The following PAM variants were observed in gnomAD, a reference collection of about 807,000 sequenced individuals.
PAM encodes the protein peptidylglycine alpha-amidating monooxygenase.
A neutral mutation model predicts 122.1 loss-of-function variants in PAM; 72 were observed. The observed-to-expected ratio is 0.59, with a 90% CI of 0.49 to 0.72. PAM has a LOEUF of 0.72. PAM is among the 30% of genes least tolerant of loss of function. The pLI, the probability that PAM is intolerant of heterozygous loss-of-function variation, is 0.00. For missense variants in PAM, 1,106 were observed against 1,183.7 expected (o/e 0.93, Z 0.96); for synonymous variants, 389 against 404.4 (o/e 0.96, Z 0.46).
chr5:102,940,151 TAC>T (rs1000380962), intron 7 of PAM, among the ~76,000 whole-genome samples: 78 of 134,768 alleles, frequency 5.8e-4, no homozygotes, highest in African/African-American at 2.0e-3. Context: ...CACACACACA[TAC>T]ACACACACAC....
At chr5:102,829,627 G>A (rs889541835) in intron 1 of PAM, among the ~76,000 whole-genome samples, 1 of 152,146 alleles carries the variant, frequency 6.6e-6, no homozygotes, top group Admixed American at 6.5e-5. Context: ...GCTGGCCTCG[G>A]CCTCCCAAAA....
At chr5:102,882,823 T>A (rs1466215460) in intron 3 of PAM, among the ~76,000 whole-genome samples, 2 of 151,930 alleles carry the variant, frequency 1.3e-5, no homozygotes, top group East Asian at 3.9e-4. Context: ...GTTTTTTCAA[T>A]GTTATCTTCT....
At chr5:103,000,675 C>G (rs1463228687) in intron 16 of PAM, among the ~76,000 whole-genome samples, 2 of 152,216 alleles carry the variant, frequency 1.3e-5, no homozygotes, top group Non-Finnish European at 2.9e-5. Flanking sequence ...TACAATCAGG[C>G]AGATTGCTTC....
At position 102,865,968 on chromosome 5, in the gene PAM, A is replaced by G. The variant is rs1785428668; in HGVS notation, c.-228A>G. The G allele has an allele frequency of 1.4e-5, 6 of 440,028 alleles. No individual in the cohort carries two copies. The highest frequency in any genetic ancestry group is 9.1e-5 in the South Asian group (2 of 21,870). 27.3% of individuals were successfully genotyped at this position (440,028 alleles called of 1,614,324 possible). On this transcript the variant is annotated 5_prime_UTR_variant, in exon 2 of 26. Coordinates refer to ENST00000438793, the MANE Select transcript of PAM (RefSeq NM_001177306.2). ...AGGAAAGCTTCCGCCTGCGGGCCGG[A>G]CAAAAGTCCCGCCTGCCCACGGCTT... is the stretch of plus-strand genomic sequence containing the variant.
At chr5:102,792,775 C>G (rs1762368715) in intron 1 of PAM, among the ~76,000 whole-genome samples, 1 of 152,128 alleles carries the variant, frequency 6.6e-6, no homozygotes. Context: ...CAGAATACAG[C>G]TTCAGTTTTT....
intron 1 of PAM, among the ~76,000 whole-genome samples, chr5:102,856,810 C>G (rs1005087596): frequency 6.6e-6 from 1 of 151,930 alleles, no homozygotes; most frequent in Non-Finnish European, 1.5e-5. Context: ...TAATAGGTAC[C>G]CAGCCAATTT....
intron 16 of PAM, among the ~76,000 whole-genome samples, chr5:103,000,949 G>C (rs998518190): frequency 6.6e-6 from 1 of 151,740 alleles, no homozygotes; most frequent in Non-Finnish European, 1.5e-5. Context: ...TACATAAATA[G>C]GAGAACAAAA....
At chr5:102,905,271 A>G (rs991329840) in intron 4 of PAM, among the ~76,000 whole-genome samples, 1 of 151,652 alleles carries the variant, frequency 6.6e-6, no homozygotes, top group Non-Finnish European at 1.5e-5. Context: ...ATCTTCATCC[A>G]CTTGCTTTCC....
chr5:102,934,094 T>G (rs187515210), intron 7 of PAM, among the ~76,000 whole-genome samples: 7 of 152,284 alleles, frequency 4.6e-5, no homozygotes, highest in African/African-American at 1.7e-4. Flanking sequence ...AGCCTATGTA[T>G]TTTAGAGTAT....
chr5:102,998,010 A>C (rs2150931614), intron 16 of PAM, among the ~76,000 whole-genome samples: 1 of 152,350 alleles, frequency 6.6e-6, no homozygotes, highest in East Asian at 1.9e-4. Context: ...CTCTAATCTT[A>C]CATGGCTGTC....
intron 7 of PAM, among the ~76,000 whole-genome samples, chr5:102,942,736 ATT>A (rs754559996): frequency 5.1e-5 from 7 of 138,416 alleles, no homozygotes; most frequent in Non-Finnish European, 4.6e-5. Context: ...TGCCCGGCTA[ATT>A]TTTTTTTTTT....
Position 103,009,808 on chromosome 5 carries a change from G to A in PAM, c.2273G>A (p.Gly758Glu), listed in dbSNP as rs1780089951. The A allele has an allele frequency of 6.2e-7, 1 of 1,612,626 alleles. No individual in the cohort carries two copies. The highest frequency in any genetic ancestry group is 8.5e-7 in the Non-Finnish European group (1 of 1,178,912). ...TTTGGGGACCAAGAACCTGTACAAG[G>A]ATTTGTGATGAACTTTTCCAATGGG... ...PHFGDQEPVQGFVMNFSNGEI... is the reference protein window; with the variant it reads ...PHFGDQEPVQEFVMNFSNGEI... The change falls in exon 21 of 26, where the codon GGA becomes GAA. Residue 758 changes from glycine to glutamate, a missense_variant. Gly to Glu is a moderately conservative substitution (Grantham distance 98). Transcript: ENST00000438793.
chr5:102,789,076 T>C (rs891668162), intron 1 of PAM, among the ~76,000 whole-genome samples: 24 of 152,168 alleles, frequency 1.6e-4, no homozygotes, highest in Admixed American at 7.2e-4. Flanking sequence ...TTGGGAGTTA[T>C]ACCTTACGTC....
intron 3 of PAM, among the ~76,000 whole-genome samples, chr5:102,899,950 G>C (rs540944583): frequency 1.3e-5 from 2 of 151,444 alleles, no homozygotes; most frequent in Admixed American, 1.3e-4. Context: ...CAGTGGTGTC[G>C]ATTAGAACAA....
intron 1 of PAM, among the ~76,000 whole-genome samples, chr5:102,814,775 T>C (rs1434845857): frequency 6.6e-6 from 1 of 152,006 alleles, no homozygotes; most frequent in African/African-American, 2.4e-5. Context: ...AATTGATGTA[T>C]TTACTTGATG....
chr5:102,923,354 A>G (rs1288834451), intron 5 of PAM, among the ~76,000 whole-genome samples: 1 of 152,180 alleles, frequency 6.6e-6, no homozygotes, highest in Non-Finnish European at 1.5e-5. Flanking sequence ...TTAGGAATCT[A>G]TCACAGTCTG....
intron 1 of PAM, among the ~76,000 whole-genome samples, chr5:102,767,393 G>C (rs1280946756): frequency 6.6e-6 from 1 of 152,054 alleles, no homozygotes; most frequent in Non-Finnish European, 1.5e-5. Flanking sequence ...TCTTCATCTG[G>C]CCTCTTATTC....
In PAM at chr5:102,990,361, C is replaced by T. The variant is rs1288303393; in HGVS notation, c.1573C>T (p.Leu525=). The stretch of plus-strand genomic sequence containing the variant: ...GGTGGCTCTAGACCCTAAGAATAAC[C>T]TGGTGATTTTCCACAGAGGTGACCA... ...SGVALDPKNN[L]VIFHRGDHVW... is the part of the protein sequence containing the mutation. The change falls in exon 16 of 26, where the codon CTG becomes TTG. Residue 525 remains leucine (L), a synonymous_variant. Coordinates refer to ENST00000438793, the MANE Select transcript of PAM (RefSeq NM_001177306.2). The T allele has an allele frequency of 6.2e-7, 1 of 1,608,180 alleles. No individual in the cohort carries two copies. The highest frequency in any genetic ancestry group is 8.5e-7 in the Non-Finnish European group (1 of 1,176,068).
At chr5:102,788,500 A>G (rs1266545388) in intron 1 of PAM, among the ~76,000 whole-genome samples, 1 of 152,114 alleles carries the variant, frequency 6.6e-6, no homozygotes, top group Admixed American at 6.5e-5. Flanking sequence ...AAGAATTTTA[A>G]AATGGTTGCT....
Sources: gnomAD v4.1 joint callset for allele counts (sites outside exome capture counted in the v4.1 genomes callset) on GRCh38, gnomAD v4.1.1 for gene constraint, MANE v1.5 for transcripts, NCBI Gene and HGNC (gene_info 2026-07-23, HGNC 2026-07-21) for gene names.